GRIN2B: variants seen among roughly 807,000 people sequenced by gnomAD.
GRIN2B encodes the protein glutamate ionotropic receptor NMDA type subunit 2B.
In GRIN2B, 5 loss-of-function variants were observed where a neutral mutation model predicts 114.5. The observed-to-expected ratio is 0.04, with a 90% CI of 0.02 to 0.09. GRIN2B has a LOEUF of 0.09. Ranked by LOEUF, GRIN2B falls within the 10% of genes least tolerant of loss-of-function variation. The pLI is 1.00. For missense variants in GRIN2B, 1,108 were observed against 1,943.5 expected, an observed-to-expected ratio of 0.57 and a Z score of 8.08; for synonymous variants, 787 against 745.1, an observed-to-expected ratio of 1.06 and a Z score of -0.92.
At chr12:13,675,260 T>C (rs2136540366) in intron 5 of GRIN2B, among the ~76,000 whole-genome samples, 1 of 152,226 alleles carries the variant, frequency 6.6e-6, no homozygotes, top group Middle Eastern at 3.4e-3. Flanking sequence ...CAGAAATTAA[T>C]TTCTGATGGT....
intron 2 of GRIN2B, among the ~76,000 whole-genome samples, chr12:13,941,464 C>A (rs1867251501): frequency 6.6e-6 from 1 of 152,158 alleles, no homozygotes; most frequent in African/African-American, 2.4e-5. Context: ...GCTCTGATTT[C>A]AAAGCCAGGT....
At chr12:13,862,308 T>C (rs1865764649) in intron 3 of GRIN2B, among the ~76,000 whole-genome samples, 1 of 152,222 alleles carries the variant, frequency 6.6e-6, no homozygotes, top group African/African-American at 2.4e-5. Flanking sequence ...CCTTCCAGCA[T>C]CAAAAACTTC....
At chr12:13,972,436 A>G (rs1238426778) in intron 2 of GRIN2B, among the ~76,000 whole-genome samples, 3 of 136,670 alleles carry the variant, frequency 2.2e-5, no homozygotes, top group Non-Finnish European at 3.4e-5. Flanking sequence ...CCACCTCCTA[A>G]GACCACCACC....
At chr12:13,845,744 A>G (rs2136720826) in intron 3 of GRIN2B, among the ~76,000 whole-genome samples, 1 of 152,318 alleles carries the variant, frequency 6.6e-6, no homozygotes, top group Admixed American at 6.5e-5. Flanking sequence ...GGGGTGAGGA[A>G]TAGAGTGGAG....
At chr12:13,739,205 AC>A (rs1453196616) in intron 4 of GRIN2B, among the ~76,000 whole-genome samples, 1 of 151,518 alleles carries the variant, frequency 6.6e-6, no homozygotes, top group African/African-American at 2.4e-5. Context: ...ACATGGAAAA[AC>A]CCTGTCTCTA....
Position 13,562,950 on chromosome 12 carries a change from C to T in GRIN2B, c.4288G>A (p.Val1430Met), listed in dbSNP as rs879253885. The T allele has an allele frequency of 6.2e-7, 1 of 1,614,196 alleles. No homozygotes were observed. The highest frequency in any genetic ancestry group is 1.6e-4 in the Middle Eastern group (1 of 6,062). The change falls in exon 14 of 14, where the codon GTG becomes ATG. Residue 1430 changes from valine to methionine, a missense_variant. Coordinates refer to ENST00000609686, the MANE Select transcript of GRIN2B (RefSeq NM_000834.5). ...ACGGCCCCATGAAGGGCCGAGACCA[C>T]CGGCTTGTTGGTGACAAGGGCCCGG... is the stretch of plus-strand genomic sequence containing the variant. ...DFRALVTNKPVVSALHGAVPA... is the reference protein window; with the variant it reads ...DFRALVTNKPMVSALHGAVPA...
rs375670441 is a variant in GRIN2B, at chr12:13,860,267, C to G, written c.411+5531G>C. Among the ~76,000 whole-genome samples, 23 of 152,256 alleles carry G rather than the reference C, an allele frequency of 1.5e-4. 1 individual carries two copies. In the South Asian group the frequency reaches 4.4e-3, roughly 29 times the overall value. ...CCCAATTAGATTCCAAAATGTGGCT[C>G]TCAGTACAGAAAATGAAAAGTGCTA... On this transcript the variant is annotated intron_variant, in intron 3 of 13. Transcript: ENST00000609686.
At chr12:13,963,154 A>T (rs1183688142) in intron 2 of GRIN2B, among the ~76,000 whole-genome samples, 1 of 151,984 alleles carries the variant, frequency 6.6e-6, no homozygotes, top group African/African-American at 2.4e-5. Context: ...CTTTTTAAAA[A>T]ATTTCCCTCT....
chr12:13,607,345 T>TTATATATA, intron 10 of GRIN2B, among the ~76,000 whole-genome samples: 1 of 44,126 alleles, frequency 2.3e-5, no homozygotes, highest in Non-Finnish European at 4.1e-5. Context: ...TTATATATAA[T>TTATATATA]ATATAAAATA....
intron 2 of GRIN2B, among the ~76,000 whole-genome samples, chr12:13,962,998 T>C (rs530666553): frequency 1.3e-5 from 2 of 152,344 alleles, no homozygotes; most frequent in African/African-American, 4.8e-5. Context: ...CCTTTTACCC[T>C]GTTTTTCTCA....
At chr12:13,604,593 CA>C (rs1250751039) in intron 10 of GRIN2B, among the ~76,000 whole-genome samples, 1 of 152,162 alleles carries the variant, frequency 6.6e-6, no homozygotes, top group African/African-American at 2.4e-5. Context: ...AAATAATCTT[CA>C]AAATCATCTC....
chr12:13,653,939 G>A (rs1341372219), intron 5 of GRIN2B, among the ~76,000 whole-genome samples: 1 of 152,036 alleles, frequency 6.6e-6, no homozygotes, highest in Non-Finnish European at 1.5e-5. Flanking sequence ...ATTTCTATTT[G>A]TTGAGCCAGT....
intron 5 of GRIN2B, among the ~76,000 whole-genome samples, chr12:13,650,447 G>A (rs1015053290): frequency 6.6e-6 from 1 of 152,032 alleles, no homozygotes; most frequent in African/African-American, 2.4e-5. Flanking sequence ...ACCATAGTGT[G>A]TGCCTTCTCA....
chr12:13,665,041 C>A (rs2136530430), intron 5 of GRIN2B, among the ~76,000 whole-genome samples: 1 of 152,174 alleles, frequency 6.6e-6, no homozygotes, highest in East Asian at 1.9e-4. Flanking sequence ...ACAGCTGTTT[C>A]TGTAGGTAGT....
intron 3 of GRIN2B, among the ~76,000 whole-genome samples, chr12:13,762,114 C>T (rs1264888228): frequency 6.6e-6 from 1 of 152,140 alleles, no homozygotes; most frequent in African/African-American, 2.4e-5. Flanking sequence ...AGTGATTCTC[C>T]TGCCTCAGCC....
chr12:13,770,551 T>C (rs1339951973), intron 3 of GRIN2B, among the ~76,000 whole-genome samples: 1 of 152,214 alleles, frequency 6.6e-6, no homozygotes, highest in Non-Finnish European at 1.5e-5. Context: ...GAGTTACTTG[T>C]TAGCACAGAT....
At chr12:13,904,792 C>T (rs900706044) in intron 2 of GRIN2B, among the ~76,000 whole-genome samples, 3 of 151,966 alleles carry the variant, frequency 2.0e-5, no homozygotes, top group Non-Finnish European at 4.4e-5. Flanking sequence ...TTTTGTTGTT[C>T]TTGAGAAGTC....
At chr12:13,757,299 T>C (rs1182625299) in intron 3 of GRIN2B, among the ~76,000 whole-genome samples, 2 of 152,196 alleles carry the variant, frequency 1.3e-5, no homozygotes, top group African/African-American at 4.8e-5. Flanking sequence ...TATACAGTGA[T>C]CAGGAATGGG....
At chr12:13,620,866 AT>A (rs55658314) in intron 5 of GRIN2B, among the ~76,000 whole-genome samples, 45,839 of 144,992 alleles carry the variant, frequency 0.32, 7,702 homozygotes, top group Middle Eastern at 0.47. Flanking sequence ...TAAAGTCGTT[AT>A]TTTTTTTTTT....
Sources: gnomAD v4.1 joint callset for allele counts (sites outside exome capture counted in the v4.1 genomes callset) on GRCh38, gnomAD v4.1.1 for gene constraint, MANE v1.5 for transcripts, NCBI Gene and HGNC (gene_info 2026-07-23, HGNC 2026-07-21) for gene names.